PRRC2B: variants seen among roughly 807,000 people sequenced by gnomAD.
The protein encoded by PRRC2B is proline rich coiled-coil 2B, also known as protein PRRC2B.
PRRC2B carries 68 observed loss-of-function variants against 242.3 expected under a neutral mutation model. That is an observed-to-expected ratio of 0.28 (90% CI 0.23 to 0.34). PRRC2B has a LOEUF of 0.34. PRRC2B is among the 10% of genes least tolerant of loss of function. The pLI, the probability that PRRC2B is intolerant of heterozygous loss-of-function variation, is 1.00. For synonymous variants in PRRC2B, 1,228 were observed against 1,173.6 expected, an observed-to-expected ratio of 1.05 and a Z score of -0.95; for missense variants, 2,835 against 2,954.8, an observed-to-expected ratio of 0.96 and a Z score of 0.94.
At chr9:131,454,955 C>T (rs1943030196) in intron 9 of PRRC2B, 121 bp from the exon 10 acceptor site, 2 of 710,578 alleles carry the variant, frequency 2.8e-6, no homozygotes, top group South Asian at 3.1e-5. Flanking sequence ...AACTCCTGTC[C>T]TCATGATCCG....
rs1373603533 is a variant in PRRC2B, at chr9:131,499,911, TTA to T, written c.*4039_*4040del. On this transcript the variant is annotated 3_prime_UTR_variant, in exon 32 of 32. Coordinates refer to ENST00000683519, the MANE Select transcript of PRRC2B (RefSeq NM_013318.4). ...GTGTTTTGTTTTTGTTTCCTTTTGTTTATGTTTTGGCCTTTCCTCTTTGTCTT... is the reference window on the plus strand; with the variant it reads ...GTGTTTTGTTTTTGTTTCCTTTTGTTTGTTTTGGCCTTTCCTCTTTGTCTT... 3.3e-5 allele frequency: 5 copies of T among 152,350 alleles called. No homozygotes were observed. Among genetic ancestry groups the T allele is most frequent in the African/African-American group, 9.6e-5 (4 of 41,562 alleles). The allele number at this position is 152,350 out of a possible 1,614,324, so 9.4% of individuals were successfully genotyped here.
At position 131,496,523 on chromosome 9, in the gene PRRC2B, A is replaced by G. The variant is rs1372469367; in HGVS notation, c.*649A>G. ...CTGGTTCACCCTTGAGGTTATTTGC[A>G]AAAAGAAAAGGAGGTTCTTGAGGGC... On this transcript the variant is annotated 3_prime_UTR_variant, in exon 32 of 32. Coordinates refer to ENST00000683519, the MANE Select transcript of PRRC2B (RefSeq NM_013318.4). The G allele has an allele frequency of 1.3e-5, 2 of 152,146 alleles. No individual in the cohort carries two copies. The highest frequency in any genetic ancestry group is 2.9e-5 in the Non-Finnish European group (2 of 68,028). 9.4% of individuals were successfully genotyped at this position (152,146 alleles called of 1,614,324 possible). A position where few individuals can be genotyped will look rare whatever the true frequency, so the allele number is the denominator to read the frequency against.
intron 1 of PRRC2B, among the ~76,000 whole-genome samples, chr9:131,421,871 A>AC (rs1837850425): frequency 6.6e-6 from 1 of 151,938 alleles, no homozygotes; most frequent in Non-Finnish European, 1.5e-5. Context: ...TTATATCAGA[A>AC]CCCATTGTGC....
At position 131,488,027 on chromosome 9, in the gene PRRC2B, C is replaced by A; in HGVS notation, c.6156C>A (p.Val2052=). Residue 2052 remains valine (V), a synonymous_variant, in exon 28 of 32, where the codon GTC becomes GTA. Coordinates refer to ENST00000683519, the MANE Select transcript of PRRC2B (RefSeq NM_013318.4). ...YQPMSGNQAL[V]YEGQLSQAAG... The stretch of plus-strand genomic sequence containing the variant: ...CCATGAGCGGGAACCAAGCCCTGGT[C>A]TACGAGGGCCAGCTCAGCCAGGCTG... 6.2e-7 allele frequency: 1 copy of A among 1,612,692 alleles called. No individual in the cohort carries two copies. Among genetic ancestry groups the A allele is most frequent in the South Asian group, 1.1e-5 (1 of 90,788 alleles).
intron 11 of PRRC2B, among the ~76,000 whole-genome samples, chr9:131,462,096 A>G (rs1281246882): frequency 6.6e-6 from 1 of 152,140 alleles, no homozygotes; most frequent in African/African-American, 2.4e-5. Context: ...GCTGATCAGT[A>G]TTCAAAAGGT....
chr9:131,442,515 C>T (rs569811407), intron 5 of PRRC2B, among the ~76,000 whole-genome samples: 8 of 152,254 alleles, frequency 5.3e-5, no homozygotes, highest in East Asian at 1.9e-4. Context: ...CCAGTCTTAC[C>T]GTCAGGTTTA....
Position 131,476,389 on chromosome 9 carries a change from C to T in PRRC2B, c.4260C>T (p.Ser1420=), listed in dbSNP as rs1943700764. 6.2e-7 allele frequency: 1 copy of T among 1,605,352 alleles called. No homozygotes were observed. The highest frequency in any genetic ancestry group is 1.3e-5 in the African/African-American group (1 of 74,924). Residue 1420 remains serine (S), a synonymous_variant, in exon 16 of 32, where the codon AGC becomes AGT. Coordinates refer to ENST00000683519, the MANE Select transcript of PRRC2B (RefSeq NM_013318.4). The part of the protein sequence containing the change: ...LGEKKELAKR[S]FSSQRPVVDR... ...AGAAGAAGGAGCTGGCCAAGAGGAG[C>T]TTCTCCAGTCAGAGACCCGTGGTTG...
chr9:131,479,047 C>T (rs1275462353), intron 18 of PRRC2B, among the ~76,000 whole-genome samples: 1 of 151,960 alleles, frequency 6.6e-6, no homozygotes, highest in Non-Finnish European at 1.5e-5. Context: ...ACACAGATTA[C>T]AGTCCGTTGG....
upstream of PRRC2B, among the ~76,000 whole-genome samples, chr9:131,392,688 G>A (rs1836921990): frequency 1.3e-5 from 2 of 152,122 alleles, no homozygotes; most frequent in Non-Finnish European, 2.9e-5. Flanking sequence ...CAAGGTAGGT[G>A]GATCACTTTA....
rs1448550542 is a variant in PRRC2B at position 131,485,112 on chromosome 9, C to A, written c.5730C>A (p.Ala1910=). The A allele has an allele frequency of 6.3e-6, 10 of 1,597,082 alleles. No homozygotes were observed. The highest frequency in any genetic ancestry group is 7.7e-6 in the Non-Finnish European group (9 of 1,170,860). The change falls in exon 25 of 32, where the codon GCC becomes GCA. Residue 1910 remains alanine, a synonymous_variant. Coordinates refer to ENST00000683519, the MANE Select transcript of PRRC2B (RefSeq NM_013318.4). ...GGVSMPPMPV[A]SVAPSASMPG... ...TGTCCATGCCACCCATGCCTGTGGC[C>A]TCTGTAGCACCTTCTGCTTCTATGC...
chr9:131,492,281 C>G (rs750908579), intron 30 of PRRC2B, 21 bp downstream of exon 30: 18 of 1,593,234 alleles, frequency 1.1e-5, no homozygotes, highest in Non-Finnish European at 1.5e-5. Flanking sequence ...TCCCTGGGGA[C>G]TGCGTGCTGT....
At chr9:131,474,267 G>C (rs1943625640) in intron 15 of PRRC2B, among the ~76,000 whole-genome samples, 187 bp from the exon 16 acceptor site, 1 of 152,184 alleles carries the variant, frequency 6.6e-6, no homozygotes, top group Admixed American at 6.5e-5. Flanking sequence ...TTTAAAGATA[G>C]AACAAATGTT....
At chr9:131,486,461 G>T in intron 26 of PRRC2B, 1 of 984,912 alleles carries the variant, frequency 1.0e-6, no homozygotes, top group East Asian at 1.1e-4. Flanking sequence ...AGCTAAAATG[G>T]AATTTTCTTT....
upstream of PRRC2B, among the ~76,000 whole-genome samples, chr9:131,392,566 C>A (rs536182411): frequency 2.0e-5 from 3 of 152,130 alleles, no homozygotes; most frequent in Non-Finnish European, 4.4e-5. Context: ...GGGTTACATC[C>A]TCCCTGTTTT....
At chr9:131,423,521 C>T (rs1364568813) in intron 1 of PRRC2B, among the ~76,000 whole-genome samples, 1 of 152,166 alleles carries the variant, frequency 6.6e-6, no homozygotes, top group Non-Finnish European at 1.5e-5. Context: ...GCCAGCCTCG[C>T]ACTCAGCCGG....
intron 28 of PRRC2B, among the ~76,000 whole-genome samples, chr9:131,489,366 G>C (rs1423484956): frequency 6.6e-6 from 1 of 151,838 alleles, no homozygotes; most frequent in Non-Finnish European, 1.5e-5. Flanking sequence ...TGTATTTTTA[G>C]TAGAGATGGG....
chr9:131,436,469 CATAA>C, intron 3 of PRRC2B, 147 bp from the exon 4 acceptor site: 1 of 569,878 alleles, frequency 1.8e-6, no homozygotes, highest in Non-Finnish European at 3.1e-6. Context: ...TTTTTGCCAG[CATAA>C]GAATCTACTG....
At chr9:131,493,521 A>G (rs1944251360) in intron 30 of PRRC2B, among the ~76,000 whole-genome samples, 1 of 152,366 alleles carries the variant, frequency 6.6e-6, no homozygotes, top group Middle Eastern at 3.4e-3. Context: ...GCCTCACGGG[A>G]CAAGAGTCGC....
At chr9:131,378,293 G>C (rs2131262016) in intron 1 of PRRC2B, among the ~76,000 whole-genome samples, 2 of 143,526 alleles carry the variant, frequency 1.4e-5, no homozygotes, top group South Asian at 4.5e-4. Context: ...CGGACGACAA[G>C]AGTGAAACTC....
Sources: gnomAD v4.1 joint callset for allele counts (sites outside exome capture counted in the v4.1 genomes callset) on GRCh38, gnomAD v4.1.1 for gene constraint, MANE v1.5 for transcripts, NCBI Gene and HGNC (gene_info 2026-07-23, HGNC 2026-07-21) for gene names.